TRPM2: variants seen among roughly 807,000 people sequenced by gnomAD.
The protein encoded by TRPM2 is transient receptor potential cation channel subfamily M member 2.
A neutral mutation model predicts 174.0 loss-of-function variants in TRPM2; 161 were observed. The ratio of observed to expected loss-of-function variants is 0.93; its 90% confidence interval spans 0.81 to 1.05. TRPM2 has a LOEUF of 1.05. Among genes scored for constraint, TRPM2 ranks in the 50% least tolerant of loss-of-function variants. The pLI is 0.00. For synonymous variants in TRPM2, 954 were observed against 861.3 expected (o/e 1.11, Z -1.88); for missense variants, 2,057 against 2,038.0 (o/e 1.01, Z -0.18).
chr21:44,369,223 G>A lies in TRPM2; in HGVS notation c.651G>A (p.Gln217=). 1 of 1,613,566 alleles carries A rather than the reference G, an allele frequency of 6.2e-7. No individual in the cohort carries two copies. Among genetic ancestry groups the A allele is most frequent in the Non-Finnish European group, 8.5e-7 (1 of 1,179,860 alleles). ...TGGSHTGVMK[Q]VGEAVRDFSL... ...GGTCCCACACCGGCGTCATGAAGCA[G>A]GTAGGCGAGGCGGTGCGGGACTTCA... The change falls in exon 5 of 32, where the codon CAG becomes CAA. Residue 217 remains glutamine, a synonymous_variant. Transcript: ENST00000397928.
At chr21:44,385,236 T>C (rs2048985279) in intron 9 of TRPM2, among the ~76,000 whole-genome samples, 1 of 152,116 alleles carries the variant, frequency 6.6e-6, no homozygotes. Context: ...GGTAAAAACA[T>C]TCAACAAATT....
chr21:44,426,756 C>G lies in TRPM2; in HGVS notation c.3872+20C>G. ...GGGAGAGTGAGTATGAGCCGCTGTC[C>G]GTGCTCCCAGCTGGCCCCAAACCCA... On this transcript the variant is annotated intron_variant, in intron 26 of 31. Coordinates refer to ENST00000397928, the MANE Select transcript of TRPM2 (RefSeq NM_003307.4). 1 of 1,613,242 alleles carries G rather than the reference C, an allele frequency of 6.2e-7. No homozygotes were observed. The highest frequency in any genetic ancestry group is 8.5e-7 in the Non-Finnish European group (1 of 1,179,674).
At chr21:44,385,755 A>G (rs936181458) in intron 9 of TRPM2, among the ~76,000 whole-genome samples, 4 of 152,246 alleles carry the variant, frequency 2.6e-5, no homozygotes, top group African/African-American at 9.6e-5. Flanking sequence ...ATGGTGGAAG[A>G]TGAAGGGGAA....
In TRPM2 at chr21:44,402,950, C is replaced by T. The variant is rs867229566; in HGVS notation, c.2538+1053C>T. ...TACCCCAGTTAGAAAGCAGTGTGCACTGTGTAAATACCACTGCCTACTGGG... is the reference window on the plus strand; with the variant it reads ...TACCCCAGTTAGAAAGCAGTGTGCATTGTGTAAATACCACTGCCTACTGGG... On this transcript the variant is annotated intron_variant, in intron 16 of 31. Coordinates refer to ENST00000397928, the MANE Select transcript of TRPM2 (RefSeq NM_003307.4). Among the ~76,000 whole-genome samples the T allele has an allele frequency of 1.1e-4, 16 of 152,302 alleles. 1 individual carries two copies. In the Middle Eastern group the frequency reaches 0.014, roughly 130 times the overall value.
At position 44,401,713 on chromosome 21, in the gene TRPM2, C is replaced by T. The variant is rs373611443; in HGVS notation, c.2354C>T (p.Ala785Val). ...EKRLQDVGTP[A>V]ARARAFFTAP... ...AGGCTGCAGGATGTGGGCACCCCCG[C>T]GGCCCGCGCCCGTGCCTTCTTCACC... The change falls in exon 16 of 32, where the codon GCG becomes GTG. Residue 785 changes from alanine to valine, a missense_variant. Transcript: ENST00000397928. 1.9e-5 allele frequency: 31 copies of T among 1,613,120 alleles called. No homozygotes were observed. The highest frequency in any genetic ancestry group is 3.3e-5 in the South Asian group (3 of 91,090).
Position 44,425,750 on chromosome 21 carries a change from G to T in TRPM2, c.3718G>T (p.Val1240Leu), listed in dbSNP as rs143426189. 6.3e-7 allele frequency: 1 copy of T among 1,594,432 alleles called. No individual in the cohort carries two copies. The highest frequency in any genetic ancestry group is 1.7e-5 in the Admixed American group (1 of 58,340). ...GGAGGAGCCGGGCGACAGCTACCAC[G>T]TGAATGCCCGGCACCTCCTCTACCC... is the stretch of plus-strand genomic sequence containing the variant. ...KTEEPGDSYH[V>L]NARHLLYPNC... Residue 1240 changes from valine to leucine, a missense_variant, in exon 25 of 32, where the codon GTG (valine) becomes TTG (leucine). Transcript: ENST00000397928.
In TRPM2 at chr21:44,438,812, G is replaced by A. The variant is rs1032534995; in HGVS notation, c.4168-255G>A. On this transcript the variant is annotated intron_variant, in intron 29 of 31. Coordinates refer to ENST00000397928, the MANE Select transcript of TRPM2 (RefSeq NM_003307.4). The surrounding 1 kb of genome is among the most constrained non-coding windows in gnomAD (Gnocchi z 5.9). ...TCTGAGCTCAGGGTGGGTACCCTGG[G>A]GGCTGTCCCTGCTCCTCAGAGGTTG... Among the ~76,000 whole-genome samples the A allele has an allele frequency of 2.0e-5, 3 of 152,180 alleles. No homozygotes were observed. The highest frequency in any genetic ancestry group is 7.2e-5 in the African/African-American group (3 of 41,442).
chr21:44,434,139 T>G, intron 27 of TRPM2, among the ~76,000 whole-genome samples: 1 of 150,466 alleles, frequency 6.6e-6, no homozygotes. Context: ...CCATGAGGGG[T>G]GGGTCAGAGG....
Position 44,425,833 on chromosome 21 carries a change from C to T in TRPM2, c.3795+6C>T, listed in dbSNP as rs748602839. The stretch of plus-strand genomic sequence containing the variant: ...ACGAGAAGGTGCCCTGGGAGGTGAG[C>T]GCCTGCCCAAGCCCAACCAGGCGGA... On this transcript the variant is annotated splice_donor_region_variant and intron_variant, in intron 25 of 31. Transcript: ENST00000397928. 36 of 1,559,304 alleles carry T rather than the reference C, an allele frequency of 2.3e-5. No homozygotes were observed. Among genetic ancestry groups the T allele is most frequent in the Admixed American group, 7.0e-5 (4 of 56,758 alleles).
In TRPM2 at chr21:44,406,752, G is replaced by C. The variant is rs746637014; in HGVS notation, c.2949G>C (p.Pro983=). ...ACCTCACCATCTTCGGGCAGATCCC[G>C]GGCTACATCGACGGTAGGAGCCGGG... ...HSYLTIFGQI[P]GYIDGVNFNP... is the part of the protein sequence containing the mutation. Residue 983 remains proline (P), a synonymous_variant, in exon 19 of 32, where the codon CCG becomes CCC. Transcript: ENST00000397928. 2.5e-6 allele frequency: 4 copies of C among 1,604,072 alleles called. No individual in the cohort carries two copies. Among genetic ancestry groups the C allele is most frequent in the South Asian group, 1.1e-5 (1 of 90,112 alleles).
intron 11 of TRPM2, among the ~76,000 whole-genome samples, chr21:44,392,967 A>G (rs922010382): frequency 2.0e-5 from 3 of 151,976 alleles, no homozygotes; most frequent in Non-Finnish European, 4.4e-5. Flanking sequence ...TCTCACCTTT[A>G]TTTAATGGTG....
chr21:44,430,295 TTTCTC>T (rs2050975993), intron 27 of TRPM2, among the ~76,000 whole-genome samples: 1 of 152,216 alleles, frequency 6.6e-6, no homozygotes. Context: ...CTTTCCTTCT[TTTCTC>T]TTCTTTACAA....
At chr21:44,419,974 G>A (rs1435758989) in intron 22 of TRPM2, among the ~76,000 whole-genome samples, 2 of 152,168 alleles carry the variant, frequency 1.3e-5, no homozygotes, top group South Asian at 2.1e-4. Flanking sequence ...TGGATGTGGT[G>A]GTGGTGATGA....
rs142549840 is a variant in TRPM2, at chr21:44,390,194, G to A, written c.1319-710G>A. 4.0e-3 allele frequency among the ~76,000 whole-genome samples: 603 copies of A among 152,120 alleles called. 1 individual carries two copies. The highest frequency in any genetic ancestry group is 6.9e-3 in the Non-Finnish European group (471 of 68,008). ...CCAATTTAATCAATTTTTCTTTATG[G>A]TTCATGTTCTTTGTGTCATAGCTAA... On this transcript the variant is annotated intron_variant, in intron 9 of 31. Coordinates refer to ENST00000397928, the MANE Select transcript of TRPM2 (RefSeq NM_003307.4).
At chr21:44,377,649 G>A in intron 6 of TRPM2, 63 bp from the exon 7 acceptor site, 3 of 1,600,948 alleles carry the variant, frequency 1.9e-6, no homozygotes, top group Non-Finnish European at 2.6e-6. Context: ...TTCAGGTGTG[G>A]CCCTCACTCG....
intron 5 of TRPM2, among the ~76,000 whole-genome samples, chr21:44,371,618 G>A (rs745322897): frequency 3.9e-5 from 6 of 152,188 alleles, no homozygotes; most frequent in South Asian, 2.1e-4. Context: ...TCGTGATGGC[G>A]TGTAGGTCCC....
At chr21:44,358,234 G>A (rs2048113008) in intron 2 of TRPM2, among the ~76,000 whole-genome samples, 1 of 152,168 alleles carries the variant, frequency 6.6e-6, no homozygotes, top group East Asian at 1.9e-4. Flanking sequence ...AGACCTTTGT[G>A]CTCACATTTT....
In TRPM2 at chr21:44,406,010, GC is replaced by G; in HGVS notation, c.2766del (p.Lys923ArgfsTer5). 1 of 1,607,948 alleles carries G rather than the reference GC, an allele frequency of 6.2e-7. No homozygotes were observed. ...TTTTTACCATCAGTAAGACGCTGGG[GC>G]CCAAGATCATCATTGTGAAGCGGAT... Reference protein sequence around the residue: ...HIFTISKTLGPKIIIVKRMMK... With the variant: ...HIFTISKTLGXKIIIVKRMMK... On this transcript the variant is annotated frameshift_variant, in exon 18 of 32. Coordinates refer to ENST00000397928, the MANE Select transcript of TRPM2 (RefSeq NM_003307.4). LOFTEE classifies it high-confidence loss of function.
rs2049853311 is a variant in TRPM2, at chr21:44,405,903, A to C, written c.2658-2A>C. On this transcript the variant is annotated splice_acceptor_variant, in intron 17 of 31. Coordinates refer to ENST00000397928, the MANE Select transcript of TRPM2 (RefSeq NM_003307.4). LOFTEE classifies it high-confidence loss of function. The stretch of plus-strand genomic sequence containing the variant: ...ATGTGTGTGCTTCTGCCCGGCGGCC[A>C]GGCTCATCCCGGCGACGCTGTACCC... 6.2e-7 allele frequency: 1 copy of C among 1,601,660 alleles called. No homozygotes were observed. The highest frequency in any genetic ancestry group is 1.3e-5 in the African/African-American group (1 of 74,896).
Sources: gnomAD v4.1 joint callset for allele counts (sites outside exome capture counted in the v4.1 genomes callset) on GRCh38, gnomAD v4.1.1 for gene constraint, Gnocchi (gnomAD v3.1) non-coding constraint, MANE v1.5 for transcripts, NCBI Gene and HGNC (gene_info 2026-07-23, HGNC 2026-07-21) for gene names.